Variants in MBNL1 observed in about 807,000 individuals in gnomAD.
MBNL1 encodes the protein muscleblind like splicing regulator 1.
MBNL1 carries 8 observed loss-of-function variants against 42.2 expected under a neutral mutation model. The ratio of observed to expected loss-of-function variants is 0.19; its 90% CI spans 0.11 to 0.34. MBNL1 has a LOEUF of 0.34. Among genes scored for constraint, MBNL1 ranks in the 10% least tolerant of loss-of-function variants. The pLI, the probability that MBNL1 is intolerant of heterozygous loss-of-function variation, is 1.00. For synonymous variants in MBNL1, 169 were observed against 173.9 expected (o/e 0.97, Z 0.22); for missense variants, 309 against 495.3 (o/e 0.62, Z 3.57).
intron 4 of MBNL1, among the ~76,000 whole-genome samples, chr3:152,440,407 G>A (rs114163936): frequency 2.6e-4 from 39 of 152,274 alleles, no homozygotes; most frequent in African/African-American, 8.4e-4. Flanking sequence ...GGCAGAAGGC[G>A]GAAAGCACGT....
chr3:152,369,582 A>G (rs1041605506), intron 2 of MBNL1, among the ~76,000 whole-genome samples: 1 of 152,170 alleles, frequency 6.6e-6, no homozygotes, highest in Non-Finnish European at 1.5e-5. Flanking sequence ...TTCAGAAGGA[A>G]TGGTACCAGC....
chr3:152,360,528 A>G (rs1243946441), intron 2 of MBNL1, among the ~76,000 whole-genome samples: 1 of 152,054 alleles, frequency 6.6e-6, no homozygotes, highest in Non-Finnish European at 1.5e-5. Context: ...CATCTCAGGA[A>G]TCATCCTTTC....
chr3:152,355,901 TATC>T (rs2095480529), intron 2 of MBNL1, among the ~76,000 whole-genome samples: 1 of 152,198 alleles, frequency 6.6e-6, no homozygotes, highest in Non-Finnish European at 1.5e-5. Flanking sequence ...CAGCACAAGA[TATC>T]ATGTGCAACA....
chr3:152,411,867 A>G (rs1184154257), intron 2 of MBNL1, among the ~76,000 whole-genome samples: 1 of 152,174 alleles, frequency 6.6e-6, no homozygotes, highest in African/African-American at 2.4e-5. Flanking sequence ...TAATGAAAGC[A>G]TCATTAGGTC....
chr3:152,427,795 T>A lies in MBNL1; in HGVS notation c.346-4922T>A, dbSNP rs535410338. ...AAAAATATTTAAAAATTAAAAAAAT[T>A]TTTTAAAATATTTTATTTCTTTATA... On this transcript the variant is annotated intron_variant, in intron 3 of 9. Transcript: ENST00000324210. 8.0e-3 allele frequency among the ~76,000 whole-genome samples: 1,208 copies of A among 150,692 alleles called. 18 individuals are homozygous for A. Among genetic ancestry groups the A allele is most frequent in the African/African-American group, 0.027 (1,131 of 41,450 alleles).
intron 2 of MBNL1, among the ~76,000 whole-genome samples, chr3:152,395,950 G>A (rs969800847): frequency 1.3e-5 from 2 of 152,174 alleles, no homozygotes; most frequent in East Asian, 3.9e-4. Context: ...GAGGTGAGTG[G>A]CTGATGAGTG....
intron 2 of MBNL1, among the ~76,000 whole-genome samples, chr3:152,409,099 A>G (rs1236246032): frequency 2.0e-5 from 3 of 152,248 alleles, no homozygotes; most frequent in African/African-American, 7.2e-5. Context: ...AAAAGCCAGT[A>G]AACTGTGATT....
intron 3 of MBNL1, among the ~76,000 whole-genome samples, chr3:152,416,042 T>C (rs1047234896): frequency 1.3e-5 from 2 of 152,216 alleles, no homozygotes; most frequent in African/African-American, 4.8e-5. Context: ...ATATGCAGTA[T>C]CGTGGGGTCA....
chr3:152,444,264 C>G (rs2099188231), intron 4 of MBNL1, among the ~76,000 whole-genome samples: 1 of 152,128 alleles, frequency 6.6e-6, no homozygotes. Context: ...TGAATGAAGA[C>G]TGCTTTTAAA....
chr3:152,319,614 G>GTTGTTTT (rs1553815902), intron 2 of MBNL1, among the ~76,000 whole-genome samples: 1 of 80,534 alleles, frequency 1.2e-5, no homozygotes, highest in Non-Finnish European at 2.3e-5. Context: ...GTTCTATACT[G>GTTGTTTT]TTTTTTTTTT....
At chr3:152,338,114 C>A in intron 2 of MBNL1, 1 of 980,966 alleles carries the variant, frequency 1.0e-6, no homozygotes, top group Non-Finnish European at 1.2e-6. Context: ...ACTTTTCTTT[C>A]TAGAACTAAA....
intron 2 of MBNL1, among the ~76,000 whole-genome samples, chr3:152,408,558 G>A (rs1021886106): frequency 6.6e-6 from 1 of 151,908 alleles, no homozygotes; most frequent in African/African-American, 2.4e-5. Flanking sequence ...GTATATAAGT[G>A]TGTATTTATG....
intron 2 of MBNL1, among the ~76,000 whole-genome samples, chr3:152,386,138 G>GA (rs1448447055): frequency 6.6e-6 from 1 of 151,588 alleles, no homozygotes; most frequent in African/African-American, 2.4e-5. Flanking sequence ...GTACTTTGGG[G>GA]AAAAAAAGCT....
At chr3:152,251,425 C>A (rs912485732) in intron 2 of MBNL1, among the ~76,000 whole-genome samples, 8 of 152,160 alleles carry the variant, frequency 5.3e-5, no homozygotes, top group South Asian at 4.1e-4. Context: ...AAAATCTAAT[C>A]TCTTAGCAAT....
At chr3:152,344,924 T>A (rs2093980875) in intron 2 of MBNL1, among the ~76,000 whole-genome samples, 1 of 152,126 alleles carries the variant, frequency 6.6e-6, no homozygotes, top group Non-Finnish European at 1.5e-5. Flanking sequence ...ATGCTTTTGC[T>A]TTTACTGTAA....
At chr3:152,322,684 G>C (rs1303128666) in intron 2 of MBNL1, among the ~76,000 whole-genome samples, 1 of 151,792 alleles carries the variant, frequency 6.6e-6, no homozygotes, top group Non-Finnish European at 1.5e-5. Flanking sequence ...AATTTTGTGA[G>C]GTTTTCTCCC....
At chr3:152,317,749 A>G (rs1163799956) in intron 2 of MBNL1, among the ~76,000 whole-genome samples, 33 of 152,182 alleles carry the variant, frequency 2.2e-4, no homozygotes, top group Admixed American at 2.2e-3. Flanking sequence ...CCCACAAACA[A>G]ATGATTCTTC....
At chr3:152,253,245 G>A (rs1460846133) in intron 2 of MBNL1, among the ~76,000 whole-genome samples, 1 of 151,956 alleles carries the variant, frequency 6.6e-6, no homozygotes, top group Non-Finnish European at 1.5e-5. Context: ...TTACTAAATA[G>A]TACCACCTTA....
chr3:152,429,699 A>C (rs1377170792), intron 3 of MBNL1, among the ~76,000 whole-genome samples: 3 of 152,174 alleles, frequency 2.0e-5, no homozygotes, highest in Non-Finnish European at 4.4e-5. Context: ...GCAGTGACCT[A>C]TCTTCAACAT....
Sources: allele counts gnomAD v4.1 joint callset (sites outside exome capture counted in the v4.1 genomes callset), GRCh38; gene constraint gnomAD v4.1.1; transcripts MANE v1.5; gene names NCBI Gene and HGNC (gene_info 2026-07-23, HGNC 2026-07-21).